SARM1: variants seen among roughly 807,000 people sequenced by gnomAD.
The protein encoded by SARM1 is sterile alpha and TIR motif containing 1.
Under a neutral mutation model 65.1 loss-of-function variants are expected in SARM1, and 60 were observed. The observed-to-expected ratio is 0.92, with a 90% CI of 0.75 to 1.14. The LOEUF is 1.14. SARM1 is among the 50% of genes most tolerant of loss of function. The pLI, the probability that SARM1 is intolerant of heterozygous loss-of-function variation, is 0.00. For synonymous variants in SARM1, 417 were observed against 465.4 expected, an observed-to-expected ratio of 0.90 and a Z score of 1.34; for missense variants, 913 against 1,015.7, an observed-to-expected ratio of 0.90 and a Z score of 1.37.
chr17:28,391,880 G>A (rs913959393), intron 7 of SARM1, among the ~76,000 whole-genome samples: 9 of 128,260 alleles, frequency 7.0e-5, no homozygotes, highest in Middle Eastern at 4.0e-3. Context: ...ACTTGACTCC[G>A]TTTTTTTTTT....
chr17:28,396,161 T>A lies in SARM1; in HGVS notation c.2050T>A (p.Ser684Thr). 1 of 1,613,856 alleles carries A rather than the reference T, an allele frequency of 6.2e-7. No homozygotes were observed. Among genetic ancestry groups the A allele is most frequent in the Non-Finnish European group, 8.5e-7 (1 of 1,179,844 alleles). ...CATTGGCTCCTGTGCCCACAGGTGG[T>A]CCCACGAATACCAGGAGGCCACCAT... ...AVLTFNGIKW[S>T]HEYQEATIEK... Residue 684 changes from serine (S) to threonine (T), a missense_variant, in exon 9 of 9, where the codon TCC (serine) becomes ACC (threonine). This residue lies in a region of SARM1 where 862 missense variants were observed against 952.1 expected (regional missense o/e 0.91). Transcript: ENST00000585482.
At chr17:28,391,707 CAAAAAAAAA>C (rs1206857097) in intron 7 of SARM1, among the ~76,000 whole-genome samples, 4 of 56,778 alleles carry the variant, frequency 7.0e-5, no homozygotes, top group African/African-American at 1.9e-4. Context: ...GCAATTGCAC[CAAAAAAAAA>C]AAAAAAAAAA....
rs2067957187 is a variant in SARM1 at position 28,371,976 on chromosome 17, G to A, written c.-57G>A. On this transcript the variant is annotated 5_prime_UTR_variant, in exon 1 of 9. Transcript: ENST00000585482. The stretch of plus-strand genomic sequence containing the variant: ...CGGGTCCCTCTTTTCCCAAAACCCG[G>A]GTCTCTCCGCGTGGCCCCGCCTCCA... 2 of 1,327,846 alleles carry A rather than the reference G, an allele frequency of 1.5e-6. No individual in the cohort carries two copies. The highest frequency in any genetic ancestry group is 1.5e-5 in the African/African-American group (1 of 64,606). 82.3% of individuals were successfully genotyped at this position (1,327,846 alleles called of 1,614,324 possible). A position where few individuals can be genotyped will look rare whatever the true frequency, so the allele number is the denominator to read the frequency against.
At chr17:28,394,741 A>T (rs2068100084) in intron 7 of SARM1, 1 of 152,246 alleles carries the variant, frequency 6.6e-6, no homozygotes, top group Admixed American at 6.5e-5. Context: ...AAGTTTGAGA[A>T]TAGCCACCCA....
Position 28,385,362 on chromosome 17 carries a change from C to T in SARM1, c.1630+87C>T. 9.7e-7 allele frequency: 1 copy of T among 1,029,260 alleles called. No individual in the cohort carries two copies. Among genetic ancestry groups the T allele is most frequent in the Non-Finnish European group, 1.4e-6 (1 of 725,606 alleles). The allele number at this position is 1,029,260 out of a possible 1,614,324, so 63.8% of individuals were successfully genotyped here. ...GAGGGGAGACACGGGGTGGAGCCTT[C>T]CAGCCTCGCCGTGGATTGATTGAGC... On this transcript the variant is annotated intron_variant, in intron 5 of 8. Transcript: ENST00000585482. The surrounding 1 kb of genome is among the most constrained non-coding windows in gnomAD (Gnocchi z 4.5).
At position 28,393,311 on chromosome 17, in the gene SARM1, T is replaced by TCCC. The variant is rs201663983; in HGVS notation, c.1924-2594_1924-2593insCCC. On this transcript the variant is annotated intron_variant, in intron 7 of 8. Transcript: ENST00000585482. ...GGCCTGTGATCCCAACACTTTGGGATGCTAAGGTGGGAGGATCACTTGAGG... is the reference window on the plus strand; with the variant it reads ...GGCCTGTGATCCCAACACTTTGGGATCCCGCTAAGGTGGGAGGATCACTTGAGG... Among the ~76,000 whole-genome samples the TCCC allele has an allele frequency of 1.0e-3, 159 of 152,216 alleles. 4 individuals are homozygous for TCCC. The East Asian group carries it at 0.024, about 23-fold the overall frequency.
chr17:28,376,403 C>CAAAAAAAAAAAAAAA (rs58695374), intron 1 of SARM1, among the ~76,000 whole-genome samples: 2 of 83,976 alleles, frequency 2.4e-5, no homozygotes, highest in African/African-American at 9.2e-5. Flanking sequence ...ACTAAAAATA[C>CAAAAAAAAAAAAAAA]AAAAAAAAAA....
chr17:28,376,825 A>G (rs1172908377), intron 1 of SARM1, among the ~76,000 whole-genome samples: 1 of 121,098 alleles, frequency 8.3e-6, no homozygotes, highest in Non-Finnish European at 1.7e-5. Context: ...GTCTCCCTCT[A>G]TCACCCAGGC....
At chr17:28,389,802 C>T (rs4795433) in intron 7 of SARM1, among the ~76,000 whole-genome samples, 87,843 of 152,064 alleles carry the variant, frequency 0.58, 26,031 homozygotes, top group East Asian at 0.72. Context: ...GCAGGGGAAT[C>T]GCTTGGGCCC....
chr17:28,381,328 G>T lies in SARM1; in HGVS notation c.596G>T (p.Cys199Phe), dbSNP rs1002924966. 1.1e-5 allele frequency: 17 copies of T among 1,598,876 alleles called. No individual in the cohort carries two copies. In the African/African-American group the frequency reaches 1.9e-4, roughly 18 times the overall value. Residue 199 changes from cysteine (C) to phenylalanine (F), a missense_variant, in exon 2 of 9, where the codon TGC (cysteine) becomes TTC (phenylalanine). Around this residue, in one of 3 missense-constraint regions of SARM1, gnomAD observed 862 missense variants for 952.1 expected, o/e 0.91. Coordinates refer to ENST00000585482, the MANE Select transcript of SARM1 (RefSeq NM_015077.4). Reference protein sequence around the residue: ...EHMFKHSEETCQRLVAAGGLD... With the variant: ...EHMFKHSEETFQRLVAAGGLD... ...ATGTTCAAGCATTCGGAGGAGACAT[G>T]CCAGAGGCTGGTGGCGGCCGGCGGC...
At chr17:28,387,927 G>A (rs2068060281) in intron 5 of SARM1, 6 of 536,904 alleles carry the variant, frequency 1.1e-5, no homozygotes, top group Non-Finnish European at 2.0e-5. Context: ...TCCAGAGAGA[G>A]GTCAGGGCTG....
Position 28,396,589 on chromosome 17 carries a change from G to C in SARM1, c.*303G>C, listed in dbSNP as rs1226478481. The C allele has an allele frequency of 1.2e-5, 5 of 404,942 alleles. No individual in the cohort carries two copies. The highest frequency in any genetic ancestry group is 2.3e-5 in the Non-Finnish European group (5 of 221,770). The allele number at this position is 404,942 out of a possible 1,614,324, so 25.1% of individuals were successfully genotyped here. A position where few individuals can be genotyped will look rare whatever the true frequency, so the allele number is the denominator to read the frequency against. On this transcript the variant is annotated 3_prime_UTR_variant, in exon 9 of 9. Coordinates refer to ENST00000585482, the MANE Select transcript of SARM1 (RefSeq NM_015077.4). ...CAGTTCTGGAGACACTGGAGTTGGG[G>C]TGGGGGTGGTTCTGCATTCCCTTCT...
Position 28,384,509 on chromosome 17 carries a change from G to C in SARM1, c.1242G>C (p.Glu414Asp). 1 of 1,613,562 alleles carries C rather than the reference G, an allele frequency of 6.2e-7. No individual in the cohort carries two copies. Among genetic ancestry groups the C allele is most frequent in the Non-Finnish European group, 8.5e-7 (1 of 1,179,712 alleles). The stretch of plus-strand genomic sequence containing the variant: ...TGCCCTCCGTGCCCAGCTGGAAGGA[G>C]GCCGAGGTTCAGACGTGGCTGCAGC... Reference protein sequence around the residue: ...PILPSVPSWKEAEVQTWLQQI... With the variant: ...PILPSVPSWKDAEVQTWLQQI... Residue 414 changes from glutamate to aspartate, a missense_variant, in exon 3 of 9, where the codon GAG becomes GAC. Glu to Asp is a conservative substitution (Grantham distance 45). Transcript: ENST00000585482. This position sits in a 1 kb window ranked among gnomAD's most constrained non-coding sequence, Gnocchi z 4.4.
Position 28,396,273 on chromosome 17 carries a change from T to C in SARM1, c.2162T>C (p.Met721Thr). Residue 721 changes from methionine to threonine, a missense_variant, in exon 9 of 9, where the codon ATG (methionine) becomes ACG (threonine). Met to Thr is a moderately conservative substitution (Grantham distance 81). Around this residue, in one of 3 missense-constraint regions of SARM1, gnomAD observed 862 missense variants for 952.1 expected, o/e 0.91. Coordinates refer to ENST00000585482, the MANE Select transcript of SARM1 (RefSeq NM_015077.4). ...SDTSLEGAAPMGPT is the reference protein window; with the variant it reads ...SDTSLEGAAPTGPT ...ACCAGTTTGGAGGGTGCTGCACCCA[T>C]GGGTCCAACCTAACCAGTCCCCAGT... 1 of 1,613,982 alleles carries C rather than the reference T, an allele frequency of 6.2e-7. No individual in the cohort carries two copies. Among genetic ancestry groups the C allele is most frequent in the Non-Finnish European group, 8.5e-7 (1 of 1,179,880 alleles).
chr17:28,381,951 C>A, intron 2 of SARM1, 130 bp downstream of exon 2: 1 of 1,185,058 alleles, frequency 8.4e-7, no homozygotes, highest in Non-Finnish European at 1.1e-6. Context: ...AAAGGAGGAG[C>A]GGGCCAGTCA....
Position 28,399,085 on chromosome 17 carries a change from G to C in SARM1, c.*2799G>C, listed in dbSNP as rs1555588874. On this transcript the variant is annotated 3_prime_UTR_variant, in exon 9 of 9. Transcript: ENST00000585482. Reference sequence around the variant, plus strand: ...TGATTGGCACTCTTCAGCCAGGGGAGTGGGTAGGCCATAGCCAAGGATCGA... The same window carrying C: ...TGATTGGCACTCTTCAGCCAGGGGACTGGGTAGGCCATAGCCAAGGATCGA... 1 of 152,944 alleles carries C rather than the reference G, an allele frequency of 6.5e-6. No homozygotes were observed. Among genetic ancestry groups the C allele is most frequent in the Non-Finnish European group, 1.5e-5 (1 of 68,486 alleles). The allele number at this position is 152,944 out of a possible 1,614,324, so 9.5% of individuals were successfully genotyped here. A position where few individuals can be genotyped will look rare whatever the true frequency, so the allele number is the denominator to read the frequency against.
chr17:28,400,087 G>C lies in SARM1; in HGVS notation c.*3801G>C. The C allele has an allele frequency of 3.7e-6, 1 of 267,594 alleles. No individual in the cohort carries two copies. The highest frequency in any genetic ancestry group is 4.7e-5 in the South Asian group (1 of 21,406). 16.6% of individuals were successfully genotyped at this position (267,594 alleles called of 1,614,324 possible). On this transcript the variant is annotated 3_prime_UTR_variant, in exon 9 of 9. Transcript: ENST00000585482. ...TTTTTAAATTTTTTATACAGACAAGGTCTTGCTATGTTGCCCAGGCTGATC... is the reference window on the plus strand; with the variant it reads ...TTTTTAAATTTTTTATACAGACAAGCTCTTGCTATGTTGCCCAGGCTGATC...
At chr17:28,376,403 C>CAAAAAAAAAAAAAAAAAAAA (rs58695374) in intron 1 of SARM1, among the ~76,000 whole-genome samples, 1 of 84,012 alleles carries the variant, frequency 1.2e-5, no homozygotes, top group African/African-American at 4.6e-5. Context: ...ACTAAAAATA[C>CAAAAAAAAAAAAAAAAAAAA]AAAAAAAAAA....
rs2068178742 is a variant in SARM1, at chr17:28,400,187, GC to G, written c.*3904del. The G allele has an allele frequency of 4.2e-6, 1 of 240,190 alleles. No homozygotes were observed. The highest frequency in any genetic ancestry group is 2.3e-5 in the African/African-American group (1 of 44,186). The allele number at this position is 240,190 out of a possible 1,614,324, so 14.9% of individuals were successfully genotyped here. ...CGGGATTACAGGCAAGAGCCTCCACGCCCGGCCATGAAATATAATTCTTAAT... is the reference window on the plus strand; with the variant it reads ...CGGGATTACAGGCAAGAGCCTCCACGCCGGCCATGAAATATAATTCTTAAT... On this transcript the variant is annotated 3_prime_UTR_variant, in exon 9 of 9. Coordinates refer to ENST00000585482, the MANE Select transcript of SARM1 (RefSeq NM_015077.4).
Sources: gnomAD v4.1 joint callset for allele counts (sites outside exome capture counted in the v4.1 genomes callset) on GRCh38, gnomAD v4.1.1 for gene constraint, gnomAD v4.1.1 regional missense constraint, Gnocchi (gnomAD v3.1) non-coding constraint, MANE v1.5 for transcripts, NCBI Gene and HGNC (gene_info 2026-07-23, HGNC 2026-07-21) for gene names.